ANKRD36C: variants seen among roughly 807,000 people sequenced by gnomAD.
ANKRD36C encodes the protein ankyrin repeat domain 36C, also known as ankyrin repeat domain-containing protein 36C.
Under a neutral mutation model 276.4 loss-of-function variants are expected in ANKRD36C, and 61 were observed. That is an observed-to-expected ratio of 0.22 (90% CI 0.18 to 0.27). The LOEUF (loss-of-function observed/expected upper bound fraction) is 0.27. Ranked by LOEUF, ANKRD36C falls within the 10% of genes least tolerant of loss-of-function variation. ANKRD36C has a pLI of 1.00. For missense variants in ANKRD36C, 1,447 were observed against 2,032.3 expected (o/e 0.71, Z 5.54); for synonymous variants, 483 against 680.1 (o/e 0.71, Z 4.51).
intron 60 of ANKRD36C, 36 bp from the exon 81 acceptor site, chr2:95,860,110 C>A: frequency 7.7e-7 from 1 of 1,300,658 alleles, no homozygotes. Flanking sequence ...AGATAAAATA[C>A]ATGAGTAGAT....
At chr2:95,935,333 A>C in intron 24 of ANKRD36C, 121 bp downstream of exon 24, 1 of 1,066,712 alleles carries the variant, frequency 9.4e-7, no homozygotes, top group Non-Finnish European at 1.3e-6. Flanking sequence ...CAGCATCAGC[A>C]TCATTTAGAT....
At position 95,918,122 on chromosome 2, in the gene ANKRD36C, A is replaced by C. The variant is rs556476097; in HGVS notation, c.2246-80T>G. 144 of 1,551,412 alleles carry C rather than the reference A, an allele frequency of 9.3e-5. No individual in the cohort carries two copies. The African/African-American group carries it at 1.7e-3, about 18-fold the overall frequency. ...CATACATTCACACAGTGTTAGCATC[A>C]AGCTGTATCCTTCTGCCTGTACTAG... On this transcript the variant is annotated intron_variant, in intron 34 of 66. Transcript: ENST00000456556.
intron 19 of ANKRD36C, 81 bp downstream of exon 19, chr2:95,944,546 C>T: frequency 7.4e-7 from 1 of 1,349,406 alleles, no homozygotes; most frequent in South Asian, 1.3e-5. Flanking sequence ...AATTAAAGAT[C>T]ATTAACAGAT....
chr2:95,925,465 T>C, intron 29 of ANKRD36C, 41 bp from the exon 30 acceptor site: 2 of 1,547,378 alleles, frequency 1.3e-6, no homozygotes, highest in South Asian at 2.4e-5. Context: ...ACATAATATA[T>C]ATTTCATAGG....
chr2:95,918,505 T>TA (rs1446289569), intron 34 of ANKRD36C, among the ~76,000 whole-genome samples: 4 of 151,662 alleles, frequency 2.6e-5, no homozygotes, highest in Non-Finnish European at 5.9e-5. Context: ...GGCACACAGT[T>TA]ACCATGACAC....
chr2:95,918,185 T>G, intron 34 of ANKRD36C, 143 bp from the exon 37 acceptor site: 1 of 1,373,424 alleles, frequency 7.3e-7, no homozygotes, highest in Non-Finnish European at 1.0e-6. Flanking sequence ...GTCTTGGGAC[T>G]GGAACATGAC....
intron 60 of ANKRD36C, among the ~76,000 whole-genome samples, chr2:95,861,543 T>A (rs923924364): frequency 6.6e-6 from 1 of 151,402 alleles, no homozygotes; most frequent in African/African-American, 2.4e-5. Context: ...GAAGGTGAAC[T>A]GTGATAAGTT....
intron 17 of ANKRD36C, among the ~76,000 whole-genome samples, chr2:95,947,880 T>C (rs1294177049): frequency 6.6e-6 from 1 of 152,130 alleles, no homozygotes; most frequent in Admixed American, 6.6e-5. Flanking sequence ...CTTAAACTCC[T>C]GGGATTAAGA....
intron 1 of ANKRD36C, among the ~76,000 whole-genome samples, chr2:95,988,551 G>C (rs1679077798): frequency 6.6e-6 from 1 of 152,028 alleles, no homozygotes; most frequent in African/African-American, 2.4e-5. Flanking sequence ...CTACATAATA[G>C]GTATTCAGGT....
chr2:95,934,567 A>G (rs1677662729), intron 24 of ANKRD36C, among the ~76,000 whole-genome samples: 1 of 152,232 alleles, frequency 6.6e-6, no homozygotes, highest in African/African-American at 2.4e-5. Context: ...GAACACATGG[A>G]CACAGGGAGG....
intron 66 of ANKRD36C, 63 bp downstream of exon 86, chr2:95,851,631 A>G: frequency 2.2e-6 from 3 of 1,338,542 alleles, no homozygotes; most frequent in South Asian, 2.6e-5. Flanking sequence ...GGGATATTTA[A>G]CCCGTCCTAC....
chr2:95,981,272 T>C (rs1371514573), intron 4 of ANKRD36C, among the ~76,000 whole-genome samples: 3 of 150,500 alleles, frequency 2.0e-5, no homozygotes, highest in African/African-American at 7.3e-5. Flanking sequence ...ACATGATATA[T>C]AAATATATGT....
chr2:95,870,441 T>A (rs1292386380), intron 59 of ANKRD36C, among the ~76,000 whole-genome samples: 1 of 152,206 alleles, frequency 6.6e-6, no homozygotes, highest in Non-Finnish European at 1.5e-5. Context: ...CCAACAGACC[T>A]GCAGCTGAGG....
chr2:95,850,663 G>A (rs1008740355), downstream of ANKRD36C, among the ~76,000 whole-genome samples: 2 of 152,210 alleles, frequency 1.3e-5, no homozygotes, highest in African/African-American at 4.8e-5. Flanking sequence ...TCCATGCTAA[G>A]GAATTTTCAA....
chr2:95,986,001 G>A lies in ANKRD36C; in HGVS notation c.486+750C>T, dbSNP rs559264413. On this transcript the variant is annotated intron_variant, in intron 3 of 66. Coordinates refer to ENST00000456556, the Ensembl canonical transcript of ANKRD36C. ...TCTTCTCTCTGCTGAACTGTGTGCC[G>A]CTTCATCACCACTATTCACTGCCAA... Among the ~76,000 whole-genome samples the A allele has an allele frequency of 4.6e-5, 7 of 152,028 alleles. No homozygotes were observed. The East Asian group carries it at 5.8e-4, about 13-fold the overall frequency.
rs774016874 is a variant in ANKRD36C, at chr2:95,962,507, A to AT, written c.828+11dup. On this transcript the variant is annotated intron_variant, in intron 7 of 66. Transcript: ENST00000456556. ...AGTTAATAGTTCAAAACAGAAATGA[A>AT]TGTGTAATTACCTTCAAGGCTGGTT... The AT allele has an allele frequency of 1.7e-5, 28 of 1,600,780 alleles. No homozygotes were observed. Among genetic ancestry groups the AT allele is most frequent in the Non-Finnish European group, 2.4e-5 (28 of 1,178,260 alleles).
intron 3 of ANKRD36C, 174 bp downstream of exon 3, chr2:95,986,577 C>T (rs1679030172): frequency 1.2e-6 from 1 of 852,652 alleles, no homozygotes; most frequent in South Asian, 2.5e-5. Context: ...CCTTATAATG[C>T]TTCTTTAAAA....
chr2:95,991,694 C>T (rs773738562), exon 1 of ANKRD36C: 1 of 1,613,414 alleles, frequency 6.2e-7, no homozygotes, highest in Non-Finnish European at 8.5e-7. Context: ...ACCTCTTCGG[C>T]TCCTTGTCAT....
intron 1 of ANKRD36C, among the ~76,000 whole-genome samples, chr2:95,989,145 C>A (rs1679088100): frequency 2.6e-5 from 4 of 152,062 alleles, no homozygotes; most frequent in Admixed American, 2.0e-4. Flanking sequence ...CCAGGCTGGG[C>A]AACAGGGTAA....
Sources: gnomAD v4.1 joint callset for allele counts (sites outside exome capture counted in the v4.1 genomes callset) on GRCh38, gnomAD v4.1.1 for gene constraint, MANE v1.5 for transcripts, NCBI Gene and HGNC (gene_info 2026-07-23, HGNC 2026-07-21) for gene names.